Variants in PRICKLE2 observed in about 807,000 individuals in gnomAD.
PRICKLE2 encodes the protein prickle planar cell polarity protein 2.
A neutral mutation model predicts 81.4 loss-of-function variants in PRICKLE2; 21 were observed. The ratio of observed to expected loss-of-function variants is 0.26; its 90% CI spans 0.18 to 0.37. The LOEUF is 0.37. Among genes scored for constraint, PRICKLE2 ranks in the 10% least tolerant of loss-of-function variants. The probability of loss-of-function intolerance (pLI) is 1.00; values close to 1 mark genes in which losing one functional copy is unlikely to be tolerated. For missense variants in PRICKLE2, 940 were observed against 1,109.0 expected (o/e 0.85, Z 2.16); for synonymous variants, 456 against 421.5 (o/e 1.08, Z -1.00).
At chr3:64,246,415 T>C (rs1156246546) in intron 2 of PRICKLE2, among the ~76,000 whole-genome samples, 2 of 152,174 alleles carry the variant, frequency 1.3e-5, no homozygotes, top group Non-Finnish European at 2.9e-5. Flanking sequence ...ACCCAACCTA[T>C]AGCACCCCCA....
intron 2 of PRICKLE2, among the ~76,000 whole-genome samples, chr3:64,189,401 C>T (rs1032012469): frequency 2.0e-5 from 3 of 152,196 alleles, no homozygotes; most frequent in African/African-American, 7.2e-5. Context: ...TGTTCCCCTC[C>T]TCCAACTCAC....
chr3:64,145,694 G>A (rs900235871), intron 7 of PRICKLE2: 1 of 151,852 alleles, frequency 6.6e-6, no homozygotes, highest in African/African-American at 2.4e-5. Flanking sequence ...CAGTTCCCTG[G>A]TGAGAAACAG....
At chr3:64,158,647 C>T (rs1409173884) in intron 4 of PRICKLE2, among the ~76,000 whole-genome samples, 3 of 152,220 alleles carry the variant, frequency 2.0e-5, no homozygotes. Flanking sequence ...TGCCTGGTTC[C>T]AGGAGACTGA....
chr3:64,129,589 C>T (rs989687890), intron 7 of PRICKLE2, among the ~76,000 whole-genome samples: 7 of 151,768 alleles, frequency 4.6e-5, no homozygotes, highest in African/African-American at 1.2e-4. Flanking sequence ...TGAACCATGG[C>T]TGTTGAAAGC....
intron 1 of PRICKLE2, among the ~76,000 whole-genome samples, chr3:64,203,842 G>A (rs1299457923): frequency 6.6e-6 from 1 of 151,700 alleles, no homozygotes; most frequent in Non-Finnish European, 1.5e-5. Flanking sequence ...GCTGGGCATG[G>A]TGGTGGGCAC....
intron 6 of PRICKLE2, among the ~76,000 whole-genome samples, chr3:64,152,971 A>T (rs1027270125): frequency 3.3e-5 from 5 of 152,198 alleles, no homozygotes; most frequent in Non-Finnish European, 5.9e-5. Flanking sequence ...AGAGAAAAAA[A>T]TCGGTTTTGT....
At chr3:64,137,393 C>T (rs920057854) in intron 7 of PRICKLE2, among the ~76,000 whole-genome samples, 4 of 152,160 alleles carry the variant, frequency 2.6e-5, no homozygotes, top group African/African-American at 9.7e-5. Flanking sequence ...TGGCCTCCAC[C>T]CTGGACGAAT....
intron 1 of PRICKLE2, among the ~76,000 whole-genome samples, chr3:64,222,667 G>A (rs1156963404): frequency 6.6e-6 from 1 of 152,166 alleles, no homozygotes; most frequent in African/African-American, 2.4e-5. Flanking sequence ...GCACCCAGAT[G>A]GTGGCAAAAA....
At position 64,092,509 on chromosome 3, in the gene PRICKLE2, AGAT is replaced by A; in HGVS notation, c.*6539_*6541del. 6.6e-6 allele frequency: 1 copy of A among 152,376 alleles called. No homozygotes were observed. The highest frequency in any genetic ancestry group is 2.1e-4 in the South Asian group (1 of 4,830). The allele number at this position is 152,376 out of a possible 1,614,324, so 9.4% of individuals were successfully genotyped here. ...ATAAATATTTGTTGAATGAATGAAT[AGAT>A]GATATTATAGCATCCAGCAAGTCCC... On this transcript the variant is annotated 3_prime_UTR_variant, in exon 8 of 8. Transcript: ENST00000638394.
intron 7 of PRICKLE2, among the ~76,000 whole-genome samples, chr3:64,121,253 A>T (rs704383): frequency 0.82 from 124,125 of 152,162 alleles, 51,097 homozygotes; most frequent in East Asian, 0.98. Flanking sequence ...ATTATGCAAA[A>T]AAACGATTGG....
At chr3:64,264,553 C>T (rs2079669046) in intron 2 of PRICKLE2, among the ~76,000 whole-genome samples, 1 of 152,156 alleles carries the variant, frequency 6.6e-6, no homozygotes, top group Non-Finnish European at 1.5e-5. Context: ...AAGATGAGAC[C>T]TCTTCTCCAG....
chr3:64,115,352 A>G (rs891850991), intron 7 of PRICKLE2, among the ~76,000 whole-genome samples: 2 of 152,222 alleles, frequency 1.3e-5, no homozygotes, highest in African/African-American at 4.8e-5. Flanking sequence ...ACATATCAGT[A>G]CTAACCTTAA....
intron 2 of PRICKLE2, among the ~76,000 whole-genome samples, chr3:64,247,064 C>T (rs1489809625): frequency 6.6e-6 from 1 of 152,118 alleles, no homozygotes; most frequent in Non-Finnish European, 1.5e-5. Context: ...AATCCTGAAA[C>T]CAAAACAGGT....
In PRICKLE2 at chr3:64,241,363, A is replaced by G. The variant is rs548218953; in HGVS notation, c.129-42396T>C. Reference sequence around the variant, plus strand: ...AGTCCCCAGTTCTTCTCTCTGAAACACCAGGGCGGAGAGTCAGCTCACATT... The same window carrying G: ...AGTCCCCAGTTCTTCTCTCTGAAACGCCAGGGCGGAGAGTCAGCTCACATT... On this transcript the variant is annotated intron_variant, in intron 2 of 8. Coordinates refer to the PRICKLE2 transcript ENST00000295902. 8.7e-4 allele frequency among the ~76,000 whole-genome samples: 132 copies of G among 152,288 alleles called. 3 individuals carry two copies. In the South Asian group the frequency reaches 0.027, roughly 31 times the overall value.
chr3:64,242,445 G>T (rs962783056), intron 2 of PRICKLE2, among the ~76,000 whole-genome samples: 3 of 152,028 alleles, frequency 2.0e-5, no homozygotes, highest in African/African-American at 7.3e-5. Context: ...CCCTAGAAAA[G>T]GTATTTTAAA....
At chr3:64,114,271 G>C (rs1311184159) in intron 7 of PRICKLE2, among the ~76,000 whole-genome samples, 4 of 151,528 alleles carry the variant, frequency 2.6e-5, no homozygotes, top group African/African-American at 9.7e-5. Context: ...ATTTGAGAAA[G>C]AATCAGGGCA....
chr3:64,134,698 T>C (rs914691698), intron 7 of PRICKLE2, among the ~76,000 whole-genome samples: 12 of 148,668 alleles, frequency 8.1e-5, no homozygotes, highest in African/African-American at 2.7e-4. Context: ...ATCATTCATC[T>C]AGACCACCCT....
chr3:64,245,641 C>T (rs1348178932), intron 2 of PRICKLE2, among the ~76,000 whole-genome samples: 3 of 152,166 alleles, frequency 2.0e-5, no homozygotes, highest in Admixed American at 6.5e-5. Context: ...CTGGGCCAAC[C>T]ATTCAAATCC....
At chr3:64,116,877 G>C (rs1459802692) in intron 7 of PRICKLE2, among the ~76,000 whole-genome samples, 48 of 152,154 alleles carry the variant, frequency 3.2e-4, no homozygotes, top group Non-Finnish European at 1.0e-4. Context: ...ACCAAAACCT[G>C]GTAGAGATAC....
Sources: allele counts gnomAD v4.1 joint callset (sites outside exome capture counted in the v4.1 genomes callset), GRCh38; gene constraint gnomAD v4.1.1; transcripts MANE v1.5; gene names NCBI Gene and HGNC (gene_info 2026-07-23, HGNC 2026-07-21).